The following EPSTI1 variants were observed in gnomAD, a reference collection of about 807,000 sequenced individuals.
EPSTI1 encodes the protein epithelial-stromal interaction protein 1.
A neutral mutation model predicts 49.9 loss-of-function variants in EPSTI1; 66 were observed. The observed-to-expected ratio is 1.32, with a 90% CI of 1.08 to 1.62. The LOEUF (loss-of-function observed/expected upper bound fraction) is 1.62, where lower values mean the gene tolerates loss of function less well. Ranked by LOEUF, EPSTI1 falls within the 40% of genes most tolerant of loss-of-function variation. The probability of loss-of-function intolerance (pLI) is 0.00; values close to 1 mark genes in which losing one functional copy is unlikely to be tolerated. For synonymous variants in EPSTI1, 137 were observed against 130.7 expected (o/e 1.05, Z -0.33); for missense variants, 394 against 365.5 (o/e 1.08, Z -0.64).
intron 1 of EPSTI1, among the ~76,000 whole-genome samples, chr13:42,979,636 A>G (rs149227938): frequency 2.2e-3 from 330 of 151,968 alleles, no homozygotes; most frequent in Middle Eastern, 6.8e-3. Flanking sequence ...TAACAAGCAA[A>G]GTTATATATT....
intron 9 of EPSTI1, among the ~76,000 whole-genome samples, chr13:42,897,476 T>G (rs2037226986): frequency 6.6e-6 from 1 of 152,194 alleles, no homozygotes; most frequent in Non-Finnish European, 1.5e-5. Context: ...GGACACAGCC[T>G]TTATGGAGTG....
chr13:42,970,521 T>C lies in EPSTI1; in HGVS notation c.247+91A>G, dbSNP rs531491048. On this transcript the variant is annotated intron_variant, in intron 2 of 10. Coordinates refer to ENST00000313624, the MANE Select transcript of EPSTI1 (RefSeq NM_033255.5). ...CTTGATGAGATTTGGTGAGTCTATA[T>C]AAATGAGAAAATAAAAATACTTCAC... is the stretch of plus-strand genomic sequence containing the variant. 6.3e-5 allele frequency: 75 copies of C among 1,198,160 alleles called. No homozygotes were observed. The African/African-American group carries it at 1.0e-3, about 17-fold the overall frequency. 74.2% of individuals were successfully genotyped at this position (1,198,160 alleles called of 1,614,324 possible). A position where few individuals can be genotyped will look rare whatever the true frequency, so the allele number is the denominator to read the frequency against.
chr13:42,963,695 C>T (rs985838529), intron 4 of EPSTI1: 9 of 290,490 alleles, frequency 3.1e-5, no homozygotes, highest in Middle Eastern at 9.8e-4. Context: ...TTGTAAAAAT[C>T]GCTGGGAATC....
At chr13:42,961,128 C>A (rs932646240) in intron 5 of EPSTI1, among the ~76,000 whole-genome samples, 2 of 152,188 alleles carry the variant, frequency 1.3e-5, no homozygotes, top group African/African-American at 4.8e-5. Flanking sequence ...TTTACTCTCC[C>A]TAGCCCTCTG....
intron 6 of EPSTI1, among the ~76,000 whole-genome samples, chr13:42,947,855 G>A (rs1463674080): frequency 6.6e-6 from 1 of 152,228 alleles, no homozygotes; most frequent in Non-Finnish European, 1.5e-5. Flanking sequence ...CCCGCCTGGT[G>A]GCTTCTAGCA....
chr13:42,892,415 G>A (rs925462447), intron 10 of EPSTI1, among the ~76,000 whole-genome samples: 1 of 152,202 alleles, frequency 6.6e-6, no homozygotes, highest in Non-Finnish European at 1.5e-5. Context: ...TGATGATAAG[G>A]GTGGTGAGAA....
chr13:42,970,949 C>T (rs73470202), intron 1 of EPSTI1, among the ~76,000 whole-genome samples: 1,697 of 152,288 alleles, frequency 0.011, 29 homozygotes, highest in African/African-American at 0.037. Flanking sequence ...TCCACCGTTC[C>T]TCTAGGTGGT....
chr13:42,981,196 C>G (rs1440064305), intron 1 of EPSTI1, among the ~76,000 whole-genome samples: 1 of 152,160 alleles, frequency 6.6e-6, no homozygotes, highest in East Asian at 1.9e-4. Flanking sequence ...TAGAATAGAC[C>G]CTTCAAATGC....
intron 6 of EPSTI1, among the ~76,000 whole-genome samples, chr13:42,941,077 G>A (rs532325588): frequency 6.6e-6 from 1 of 152,124 alleles, no homozygotes; most frequent in South Asian, 2.1e-4. Flanking sequence ...CGTACTTAAA[G>A]CTATGGTCTC....
Position 42,963,238 on chromosome 13 carries a change from A to G in EPSTI1, c.489+17T>C. The stretch of plus-strand genomic sequence containing the variant: ...ATTGTTGATCAGCAAATGTGAACTA[A>G]TCCTCCTCCTCCTTACCTTCTCTCT... On this transcript the variant is annotated intron_variant, in intron 5 of 10. Coordinates refer to ENST00000313624, the MANE Select transcript of EPSTI1 (RefSeq NM_033255.5). 6.3e-7 allele frequency: 1 copy of G among 1,593,436 alleles called. No individual in the cohort carries two copies. The highest frequency in any genetic ancestry group is 8.6e-7 in the Non-Finnish European group (1 of 1,163,142).
At chr13:42,962,619 CA>C (rs67950561) in intron 5 of EPSTI1, among the ~76,000 whole-genome samples, 43,278 of 132,782 alleles carry the variant, frequency 0.33, 6,721 homozygotes, top group Middle Eastern at 0.51. Context: ...ACAAAAAATA[CA>C]AAAAAAAAAA....
At chr13:42,955,470 CACAA>C (rs1323955021) in intron 5 of EPSTI1, among the ~76,000 whole-genome samples, 14 of 152,296 alleles carry the variant, frequency 9.2e-5, no homozygotes, top group African/African-American at 3.1e-4. Flanking sequence ...GATTCCAACT[CACAA>C]ACAGTCATAC....
chr13:42,963,778 C>A (rs1349060565), intron 4 of EPSTI1, among the ~76,000 whole-genome samples: 1 of 152,152 alleles, frequency 6.6e-6, no homozygotes, highest in African/African-American at 2.4e-5. Flanking sequence ...CCAAAACATT[C>A]CAAACATAGT....
chr13:42,926,390 C>A lies in EPSTI1; in HGVS notation c.603G>T (p.Ser201=). The change falls in exon 7 of 11, where the codon TCG becomes TCT. Residue 201 remains serine (S), a synonymous_variant. Coordinates refer to ENST00000313624, the MANE Select transcript of EPSTI1 (RefSeq NM_033255.5). ...CACTTTGACAGGCACTTCTGTCTGG[C>A]GATTCTGTGTTCAGTTTGCTCAAGA... The part of the protein sequence containing the change: ...AEFLSKLNTE[S]PDRSACQSAV... 6.2e-7 allele frequency: 1 copy of A among 1,613,800 alleles called. No homozygotes were observed. Among genetic ancestry groups the A allele is most frequent in the Non-Finnish European group, 8.5e-7 (1 of 1,179,698 alleles).
intron 9 of EPSTI1, among the ~76,000 whole-genome samples, chr13:42,896,810 A>G (rs1594607125): frequency 6.6e-6 from 1 of 152,148 alleles, no homozygotes; most frequent in East Asian, 1.9e-4. Context: ...ACTCACTATA[A>G]TCCCATCACA....
At chr13:42,978,365 T>G (rs144043674) in intron 1 of EPSTI1, among the ~76,000 whole-genome samples, 1 of 152,238 alleles carries the variant, frequency 6.6e-6, no homozygotes, top group East Asian at 1.9e-4. Flanking sequence ...GGACAACGCA[T>G]AGCGGGGAGG....
rs878878132 is a variant in EPSTI1 at position 42,917,728 on chromosome 13, C to T, written c.658-104G>A. 1.9e-5 allele frequency: 15 copies of T among 787,230 alleles called. No individual in the cohort carries two copies. In the Admixed American group the frequency reaches 3.2e-4, roughly 17 times the overall value. 48.8% of individuals were successfully genotyped at this position (787,230 alleles called of 1,614,324 possible). A position where few individuals can be genotyped will look rare whatever the true frequency, so the allele number is the denominator to read the frequency against. On this transcript the variant is annotated intron_variant, in intron 7 of 10. Coordinates refer to ENST00000313624, the MANE Select transcript of EPSTI1 (RefSeq NM_033255.5). ...TACTATAGGCCCGGTGCTAATAACT[C>T]AACCTCCGTACTGAGCATATAGTAA...
At chr13:42,896,524 A>G (rs1239063887) in intron 9 of EPSTI1, among the ~76,000 whole-genome samples, 1 of 151,994 alleles carries the variant, frequency 6.6e-6, no homozygotes, top group Admixed American at 6.6e-5. Flanking sequence ...TGTTTGCTCT[A>G]CCTCCTGAAC....
At chr13:42,892,245 G>T (rs2037057932) in intron 10 of EPSTI1, among the ~76,000 whole-genome samples, 1 of 152,212 alleles carries the variant, frequency 6.6e-6, no homozygotes, top group South Asian at 2.1e-4. Context: ...ATTTGGGGGT[G>T]GCGAAAGCCA....
Sources: gnomAD v4.1 joint callset for allele counts (sites outside exome capture counted in the v4.1 genomes callset) on GRCh38, gnomAD v4.1.1 for gene constraint, MANE v1.5 for transcripts, NCBI Gene and HGNC (gene_info 2026-07-23, HGNC 2026-07-21) for gene names.